Variants in ITSN1 observed in about 807,000 individuals in gnomAD.
ITSN1 encodes intersectin-1.
ITSN1 carries 58 observed loss-of-function variants against 239.8 expected under a neutral mutation model. The observed-to-expected ratio is 0.24, with a 90% CI of 0.20 to 0.30. The LOEUF is 0.30. ITSN1 is among the 10% of genes least tolerant of loss of function. The pLI, the probability that ITSN1 is intolerant of heterozygous loss-of-function variation, is 1.00. For synonymous variants in ITSN1, 780 were observed against 770.8 expected (o/e 1.01, Z -0.20); for missense variants, 1,558 against 2,103.3 (o/e 0.74, Z 5.07).
Position 33,799,819 on chromosome 21 carries a change from C to T in ITSN1, c.2194C>T (p.Leu732Phe). Reference protein sequence around the residue: ...APWSTAEKGPLTISAQENVKV... With the variant: ...APWSTAEKGPFTISAQENVKV... ...TTTTTTGTAAACAGAAAAAGGTCCA[C>T]TTACCATTTCTGCACAGGAAAATGT... is the stretch of plus-strand genomic sequence containing the variant. Residue 732 changes from leucine to phenylalanine, a missense_variant, in exon 19 of 40, where the codon CTT (leucine) becomes TTT (phenylalanine). Leu to Phe is a conservative substitution (Grantham distance 22). Transcript: ENST00000381318. The T allele has an allele frequency of 6.2e-7, 1 of 1,613,718 alleles. No homozygotes were observed. The highest frequency in any genetic ancestry group is 1.1e-5 in the South Asian group (1 of 90,948).
At chr21:33,825,779 G>C (rs778830415) in intron 25 of ITSN1, among the ~76,000 whole-genome samples, 1 of 152,130 alleles carries the variant, frequency 6.6e-6, no homozygotes, top group Non-Finnish European at 1.5e-5. Flanking sequence ...GATTGCTTTT[G>C]TATAACTTTG....
rs776357486 is a variant in ITSN1 at position 33,722,602 on chromosome 21, A to G, written c.136A>G (p.Asn46Asp). ...TTAATTTACAGGTGATCAAGCTAGA[A>G]ACTTTTTTTTTCAATCTGGGTTACC... Reference protein sequence around the residue: ...SGFITGDQARNFFFQSGLPQP... With the variant: ...SGFITGDQARDFFFQSGLPQP... Residue 46 changes from asparagine to aspartate, a missense_variant, in exon 4 of 40, where the codon AAC becomes GAC. This residue lies in a region of ITSN1 where 982 missense variants were observed against 1,209.9 expected (regional missense o/e 0.81). Transcript: ENST00000381318. 1.3e-6 allele frequency: 2 copies of G among 1,577,894 alleles called. No individual in the cohort carries two copies. The highest frequency in any genetic ancestry group is 2.3e-5 in the East Asian group (1 of 43,786).
Position 33,820,051 on chromosome 21 carries a change from A to C in ITSN1, c.3016+728A>C, listed in dbSNP as rs1453826212. ...AGACCACTAGAGTTCTCATAGTAAC[A>C]TGAATGCCATCTGTACCATCCCAAA... On this transcript the variant is annotated intron_variant, in intron 24 of 39. Transcript: ENST00000381318. Among the ~76,000 whole-genome samples the C allele has an allele frequency of 3.3e-5, 5 of 152,254 alleles. No individual in the cohort carries two copies. In the East Asian group the frequency reaches 7.7e-4, roughly 23 times the overall value.
chr21:33,775,167 C>G (rs971813131), intron 14 of ITSN1, 59 bp downstream of exon 14: 2 of 1,533,498 alleles, frequency 1.3e-6, no homozygotes, highest in African/African-American at 2.8e-5. Context: ...TTCTCTAATT[C>G]ATTTCATTTA....
At chr21:33,868,177 T>C (rs934602204) in intron 33 of ITSN1, among the ~76,000 whole-genome samples, 2 of 152,156 alleles carry the variant, frequency 1.3e-5, no homozygotes, top group African/African-American at 4.8e-5. Context: ...AGGGGGCTGA[T>C]TGGTGCCTTT....
intron 29 of ITSN1, among the ~76,000 whole-genome samples, chr21:33,852,886 T>C (rs1391182552): frequency 1.3e-5 from 2 of 152,162 alleles, no homozygotes; most frequent in African/African-American, 2.4e-5. Context: ...GCCACGTCCC[T>C]CCACCCCTAA....
At chr21:33,679,725 A>T (rs1477642134) in intron 1 of ITSN1, among the ~76,000 whole-genome samples, 7 of 82,524 alleles carry the variant, frequency 8.5e-5, no homozygotes, top group Admixed American at 2.0e-4. Flanking sequence ...TTTTTTTGAG[A>T]CGGAGTCTCG....
chr21:33,686,260 T>C (rs8134020), intron 1 of ITSN1, among the ~76,000 whole-genome samples: 6,930 of 152,152 alleles, frequency 0.046, 521 homozygotes, highest in African/African-American at 0.16. Context: ...AATTTCCAAA[T>C]GTATTTAAGC....
chr21:33,769,702 T>TTC (rs2068982022), intron 11 of ITSN1, among the ~76,000 whole-genome samples: 1 of 151,852 alleles, frequency 6.6e-6, no homozygotes, highest in Non-Finnish European at 1.5e-5. Context: ...TCTCTGCCTT[T>TTC]TTTTTTTTTG....
chr21:33,767,830 T>C lies in ITSN1; in HGVS notation c.1042+2T>C. 1 of 1,491,626 alleles carries C rather than the reference T, an allele frequency of 6.7e-7. No individual in the cohort carries two copies. The highest frequency in any genetic ancestry group is 9.3e-7 in the Non-Finnish European group (1 of 1,070,040). The allele number at this position is 1,491,626 out of a possible 1,614,324, so 92.4% of individuals were successfully genotyped here. On this transcript the variant is annotated splice_donor_variant, in intron 11 of 39. Coordinates refer to ENST00000381318, the MANE Select transcript of ITSN1 (RefSeq NM_003024.3). LOFTEE classifies it high-confidence loss of function. ...AACAATTAGAAAAGAAATTACCTGG[T>C]AAGGCAGCCTTTATGTTGAGTTAAA... is the stretch of plus-strand genomic sequence containing the variant.
intron 24 of ITSN1, among the ~76,000 whole-genome samples, chr21:33,822,036 G>A (rs1022417913): frequency 5.9e-5 from 9 of 152,166 alleles, no homozygotes; most frequent in African/African-American, 1.4e-4. Flanking sequence ...TGTTACCAGC[G>A]CCTCAGGGCT....
At chr21:33,773,001 T>TTC (rs2069292152) in intron 12 of ITSN1, among the ~76,000 whole-genome samples, 2 of 120,816 alleles carry the variant, frequency 1.7e-5, no homozygotes, top group African/African-American at 7.2e-5. Context: ...TGCAATCTTC[T>TTC]TTTTTTTTTT....
At chr21:33,652,041 A>ACTGCAACCTCT (rs1568842941) in intron 1 of ITSN1, among the ~76,000 whole-genome samples, 1 of 152,214 alleles carries the variant, frequency 6.6e-6, no homozygotes, top group African/African-American at 2.4e-5. Context: ...TAAGGAAAGA[A>ACTGCAACCTCT]GACTAAAAGC....
intron 38 of ITSN1, among the ~76,000 whole-genome samples, chr21:33,885,988 C>T (rs370844173): frequency 6.2e-4 from 95 of 152,172 alleles, no homozygotes; most frequent in African/African-American, 2.2e-3. Context: ...AGGTGGATCA[C>T]CTGAGGTCAG....
At chr21:33,760,334 G>T (rs1408755387) in intron 8 of ITSN1, among the ~76,000 whole-genome samples, 2 of 152,104 alleles carry the variant, frequency 1.3e-5, no homozygotes, top group Non-Finnish European at 2.9e-5. Flanking sequence ...GGCATCTGGG[G>T]TGCGATTATA....
At position 33,761,056 on chromosome 21, in the gene ITSN1, C is replaced by CTA. The variant is rs1171809317; in HGVS notation, c.725-866_725-865dup. 1.6e-4 allele frequency among the ~76,000 whole-genome samples: 23 copies of CTA among 147,376 alleles called. 1 individual carries two copies. Among genetic ancestry groups the CTA allele is most frequent in the Middle Eastern group, 3.3e-3 (1 of 306 alleles). ...TTCTTCTTTTTTTTTTTTTTCTTGGCTAACATAGGAAATGTGTTTTGTTTT... is the reference window on the plus strand; with the variant it reads ...TTCTTCTTTTTTTTTTTTTTCTTGGCTATAACATAGGAAATGTGTTTTGTTTT... On this transcript the variant is annotated intron_variant, in intron 8 of 39. Coordinates refer to ENST00000381318, the MANE Select transcript of ITSN1 (RefSeq NM_003024.3).
intron 29 of ITSN1, among the ~76,000 whole-genome samples, chr21:33,853,212 C>G (rs1448197508): frequency 6.6e-6 from 1 of 152,218 alleles, no homozygotes; most frequent in African/African-American, 2.4e-5. Flanking sequence ...GGGCCATCCC[C>G]CTGTCTCCAG....
At position 33,721,299 on chromosome 21, in the gene ITSN1, T is replaced by G. The variant is rs749992909; in HGVS notation, c.121+29T>G. On this transcript the variant is annotated intron_variant, in intron 3 of 39. Transcript: ENST00000381318. ...ATCACAGTCAGCATTTTTTCATTTT[T>G]ACTTATCAGTAGTGCAGATGTCTGT... The G allele has an allele frequency of 2.9e-6, 4 of 1,394,130 alleles. No homozygotes were observed. The Admixed American group carries it at 6.7e-5, about 23-fold the overall frequency. The allele number at this position is 1,394,130 out of a possible 1,614,324, so 86.4% of individuals were successfully genotyped here. A position where few individuals can be genotyped will look rare whatever the true frequency, so the allele number is the denominator to read the frequency against.
At chr21:33,708,362 C>A (rs1262257697) in intron 1 of ITSN1, among the ~76,000 whole-genome samples, 1 of 151,580 alleles carries the variant, frequency 6.6e-6, no homozygotes, top group Non-Finnish European at 1.5e-5. Context: ...TTTTTTATTA[C>A]TTTGAAGCCC....
Sources: gnomAD v4.1 joint callset for allele counts (sites outside exome capture counted in the v4.1 genomes callset) on GRCh38, gnomAD v4.1.1 for gene constraint, gnomAD v4.1.1 regional missense constraint, MANE v1.5 for transcripts, NCBI Gene and HGNC (gene_info 2026-07-23, HGNC 2026-07-21) for gene names.